Variants in PRR5 observed in about 807,000 individuals in gnomAD.
PRR5 encodes the protein proline rich 5.
A neutral mutation model predicts 30.6 loss-of-function variants in PRR5; 25 were observed. The ratio of observed to expected loss-of-function variants is 0.82; its 90% confidence interval spans 0.60 to 1.14. The LOEUF is 1.14. Ranked by LOEUF, PRR5 falls within the 50% of genes most tolerant of loss-of-function variation. PRR5 has a pLI of 0.00. For missense variants in PRR5, 600 were observed against 547.1 expected, an observed-to-expected ratio of 1.10 and a Z score of -0.96; for synonymous variants, 286 against 247.1, an observed-to-expected ratio of 1.16 and a Z score of -1.48.
Position 44,714,598 on chromosome 22 carries a change from A to T in PRR5, c.142A>T (p.Asn48Tyr), listed in dbSNP as rs1161978503. The part of the protein sequence containing the change: ...CANATWNSIH[N>Y]GVIAVFQRKG... ...TCTTCCCTCTGCCCCCAGCATCCAC[A>T]ACGGGGTGATCGCCGTCTTCCAGCG... Residue 48 changes from asparagine (N) to tyrosine (Y), a missense_variant, in exon 2 of 8, where the codon AAC becomes TAC. Transcript: ENST00000336985. The T allele has an allele frequency of 1.9e-6, 3 of 1,613,128 alleles. No individual in the cohort carries two copies. The highest frequency in any genetic ancestry group is 2.5e-6 in the Non-Finnish European group (3 of 1,179,982).
At chr22:44,684,233 C>T (rs556751778) in intron 1 of PRR5, among the ~76,000 whole-genome samples, 101 of 152,156 alleles carry the variant, frequency 6.6e-4, no homozygotes, top group Non-Finnish European at 9.4e-4. Context: ...GATCCAGCCT[C>T]GAGAGTGGTA....
At chr22:44,677,587 T>C (rs915571004) in intron 1 of PRR5, among the ~76,000 whole-genome samples, 6 of 152,228 alleles carry the variant, frequency 3.9e-5, no homozygotes, top group Non-Finnish European at 8.8e-5. Context: ...TTTTGTTCAC[T>C]CATTCATAAA....
chr22:44,726,527 C>G, intron 3 of PRR5, 50 bp from the exon 4 acceptor site: 1 of 1,612,728 alleles, frequency 6.2e-7, no homozygotes, highest in Non-Finnish European at 8.5e-7. Flanking sequence ...GGCCAGGACA[C>G]CCCCGGGCAT....
intron 2 of PRR5, among the ~76,000 whole-genome samples, chr22:44,721,107 CTG>C (rs1929869761): frequency 6.6e-6 from 1 of 152,222 alleles, no homozygotes; most frequent in African/African-American, 2.4e-5. Context: ...CCGGGACCCT[CTG>C]TTACCGGTGG....
intron 1 of PRR5, among the ~76,000 whole-genome samples, chr22:44,681,529 A>G (rs1406151260): frequency 6.6e-6 from 1 of 151,948 alleles, no homozygotes; most frequent in African/African-American, 2.4e-5. Context: ...CAGAGGTTGC[A>G]GTGAGCCAAG....
intron 1 of PRR5, among the ~76,000 whole-genome samples, chr22:44,688,549 C>T (rs1170765911): frequency 6.6e-6 from 1 of 152,152 alleles, no homozygotes; most frequent in Non-Finnish European, 1.5e-5. Flanking sequence ...AAATGGGGGG[C>T]AGCAACAGTC....
Position 44,726,654 on chromosome 22 carries a change from CGGCCACTCTG to C in PRR5, c.322+26_322+35del. 6.2e-7 allele frequency: 1 copy of C among 1,613,892 alleles called. No individual in the cohort carries two copies. The highest frequency in any genetic ancestry group is 1.1e-5 in the South Asian group (1 of 91,086). On this transcript the variant is annotated intron_variant, in intron 4 of 7. Coordinates refer to ENST00000336985, the MANE Select transcript of PRR5 (RefSeq NM_181333.4). ...ATGAGGGTGAGTGTGGGCCCCTTGGCGGCCACTCTGGGCCATGCTGGGTCCTGGCTGGCTG... is the reference window on the plus strand; with the variant it reads ...ATGAGGGTGAGTGTGGGCCCCTTGGCGGCCATGCTGGGTCCTGGCTGGCTG...
intron 2 of PRR5, among the ~76,000 whole-genome samples, chr22:44,721,783 TCA>T (rs1929974666): frequency 6.6e-6 from 1 of 152,028 alleles, no homozygotes; most frequent in Non-Finnish European, 1.5e-5. Context: ...TCGTCCAGAG[TCA>T]CATGGCGTGC....
chr22:44,719,353 G>A (rs531624784), intron 2 of PRR5, among the ~76,000 whole-genome samples: 5 of 152,120 alleles, frequency 3.3e-5, no homozygotes, highest in African/African-American at 7.2e-5. Flanking sequence ...GATTATAGGC[G>A]TGAGCCGCTG....
At position 44,732,256 on chromosome 22, in the gene PRR5, G is replaced by T; in HGVS notation, c.420G>T (p.Lys140Asn). ...GGGGTGCCTTCCGTCCACAGGGCAA[G>T]GAGCCATCGGTGCGCCAGCTGGCCC... ...LQAIFYPVQG[K>N]EPSVRQLALL... The change falls in exon 6 of 8, where the codon AAG becomes AAT. Residue 140 changes from lysine (K) to asparagine (N), a missense_variant. By Grantham distance (94) the Lys-to-Asn change is moderately conservative. Transcript: ENST00000336985. 1 of 1,611,530 alleles carries T rather than the reference G, an allele frequency of 6.2e-7. No homozygotes were observed. Among genetic ancestry groups the T allele is most frequent in the Non-Finnish European group, 8.5e-7 (1 of 1,179,844 alleles).
At chr22:44,669,173 G>T (rs1005647896) in intron 1 of PRR5, among the ~76,000 whole-genome samples, 3 of 145,980 alleles carry the variant, frequency 2.1e-5, no homozygotes, top group African/African-American at 5.1e-5. Flanking sequence ...GTGGGTCTCC[G>T]TCCAGCCGCC....
chr22:44,688,914 G>A (rs187901936), intron 1 of PRR5, among the ~76,000 whole-genome samples: 1 of 152,188 alleles, frequency 6.6e-6, no homozygotes, highest in East Asian at 1.9e-4. Context: ...CTTGAATTCG[G>A]GAGGTGGAGG....
At chr22:44,717,227 T>C (rs533262427) in intron 2 of PRR5, among the ~76,000 whole-genome samples, 108 of 149,422 alleles carry the variant, frequency 7.2e-4, no homozygotes, top group African/African-American at 2.6e-3. Context: ...GTTTCACTGT[T>C]GTTGCCCAGG....
At chr22:44,700,069 A>G (rs1926118520), upstream of PRR5, among the ~76,000 whole-genome samples, 1 of 152,052 alleles carries the variant, frequency 6.6e-6, no homozygotes, top group Non-Finnish European at 1.5e-5. Context: ...TAATCCTAAC[A>G]CTATGGGTGG....
chr22:44,726,767 C>CGTATA, intron 4 of PRR5, 133 bp downstream of exon 4: 1 of 1,368,224 alleles, frequency 7.3e-7, no homozygotes, highest in Non-Finnish European at 1.0e-6. Flanking sequence ...GGAAGGAACA[C>CGTATA]GTATAGCCTT....
At position 44,737,375 on chromosome 22, in the gene PRR5, C is replaced by G; in HGVS notation, c.*128C>G. The G allele has an allele frequency of 7.1e-7, 1 of 1,416,162 alleles. No individual in the cohort carries two copies. The highest frequency in any genetic ancestry group is 9.3e-7 in the Non-Finnish European group (1 of 1,080,664). 87.7% of individuals were successfully genotyped at this position (1,416,162 alleles called of 1,614,324 possible). On this transcript the variant is annotated 3_prime_UTR_variant, in exon 8 of 8. Transcript: ENST00000336985. Reference sequence around the variant, plus strand: ...CCAGCCCTATCGGCCTCGTCACTGGCCTTGGTCACTTTGTATTTCTGTCTT... The same window carrying G: ...CCAGCCCTATCGGCCTCGTCACTGGGCTTGGTCACTTTGTATTTCTGTCTT...
chr22:44,716,976 CAT>C (rs75897522), intron 2 of PRR5, among the ~76,000 whole-genome samples: 4,937 of 152,094 alleles, frequency 0.032, 97 homozygotes, highest in Non-Finnish European at 0.043. Flanking sequence ...GCATGAGAAT[CAT>C]GTGAGCCCGG....
chr22:44,732,363 C>A lies in PRR5; in HGVS notation c.527C>A (p.Ala176Asp). 1 of 1,610,866 alleles carries A rather than the reference C, an allele frequency of 6.2e-7. No homozygotes were observed. Among genetic ancestry groups the A allele is most frequent in the Middle Eastern group, 1.9e-4 (1 of 5,144 alleles). The change falls in exon 6 of 8, where the codon GCC becomes GAC. Residue 176 changes from alanine (A) to aspartate (D), a missense_variant. Physicochemically the swap from Ala to Asp is moderately radical, Grantham distance 126. Coordinates refer to ENST00000336985, the MANE Select transcript of PRR5 (RefSeq NM_181333.4). Reference sequence around the variant, plus strand: ...CGGGCCCATGCCCGTGTGCCCCCTGCCATCGTGCAGATGCTGCTGGTGCTG... The same window carrying A: ...CGGGCCCATGCCCGTGTGCCCCCTGACATCGTGCAGATGCTGCTGGTGCTG... ...LARAHARVPP[A>D]IVQMLLVLQG...
At chr22:44,681,193 G>C (rs1361824869) in intron 1 of PRR5, among the ~76,000 whole-genome samples, 1 of 152,182 alleles carries the variant, frequency 6.6e-6, no homozygotes, top group Non-Finnish European at 1.5e-5. Context: ...CTGCCACATA[G>C]TAGGAGTCTG....
Sources: allele counts gnomAD v4.1 joint callset (sites outside exome capture counted in the v4.1 genomes callset), GRCh38; gene constraint gnomAD v4.1.1; transcripts MANE v1.5; gene names NCBI Gene and HGNC (gene_info 2026-07-23, HGNC 2026-07-21).